The following CDC14B variants were observed in gnomAD, a reference collection of about 807,000 sequenced individuals.
CDC14B encodes the protein dual specificity protein phosphatase CDC14B.
Under a neutral mutation model 64.2 loss-of-function variants are expected in CDC14B, and 22 were observed. That is an observed-to-expected ratio of 0.34 (90% CI 0.24 to 0.49). The LOEUF is 0.49. CDC14B is among the 20% of genes least tolerant of loss of function. CDC14B has a pLI of 0.99. For synonymous variants in CDC14B, 191 were observed against 215.8 expected (o/e 0.89, Z 1.01); for missense variants, 498 against 629.9 (o/e 0.79, Z 2.24).
chr9:96,551,573 G>A (rs748129455), intron 5 of CDC14B, among the ~76,000 whole-genome samples: 1 of 152,134 alleles, frequency 6.6e-6, no homozygotes, highest in African/African-American at 2.4e-5. Context: ...CCAGCATCTA[G>A]TGGGCAGAAG....
intron 1 of CDC14B, among the ~76,000 whole-genome samples, chr9:96,597,845 TAAC>T (rs1425225429): frequency 9.2e-5 from 14 of 152,184 alleles, no homozygotes; most frequent in Admixed American, 4.6e-4. Flanking sequence ...TTGACAAAAT[TAAC>T]AAAAGTAACA....
At chr9:96,584,084 G>A (rs1845330711) in intron 1 of CDC14B, among the ~76,000 whole-genome samples, 1 of 152,214 alleles carries the variant, frequency 6.6e-6, no homozygotes, top group Non-Finnish European at 1.5e-5. Flanking sequence ...TGTGCTTCAA[G>A]TAAGCTTTTC....
In CDC14B at chr9:96,534,470, C is replaced by T; in HGVS notation, c.700G>A (p.Ala234Thr). Reference protein sequence around the residue: ...FIAFCGPHSRARLESGYHQHS... With the variant: ...FIAFCGPHSRTRLESGYHQHS... Reference sequence around the variant, plus strand: ...TTTCACATACCACTTTCAAGTCTGGCTCTTGAATGAGGTCCACAGAAGGCA... The same window carrying T: ...TTTCACATACCACTTTCAAGTCTGGTTCTTGAATGAGGTCCACAGAAGGCA... The change falls in exon 8 of 14, where the codon GCC becomes ACC. Residue 234 changes from alanine (A) to threonine (T), a missense_variant. Transcript: ENST00000375241. 6.2e-7 allele frequency: 1 copy of T among 1,606,178 alleles called. No homozygotes were observed. Among genetic ancestry groups the T allele is most frequent in the Admixed American group, 1.7e-5 (1 of 59,950 alleles).
chr9:96,617,315 T>G (rs140276200), intron 1 of CDC14B, among the ~76,000 whole-genome samples: 2 of 151,972 alleles, frequency 1.3e-5, no homozygotes, highest in East Asian at 3.9e-4. Flanking sequence ...ACATATTTCA[T>G]CTCCATCAAG....
chr9:96,547,035 C>T (rs1033149447), intron 5 of CDC14B, among the ~76,000 whole-genome samples: 2 of 151,914 alleles, frequency 1.3e-5, no homozygotes, highest in Non-Finnish European at 2.9e-5. Context: ...GCACTCCAGC[C>T]TGGGCGACAG....
intron 1 of CDC14B, among the ~76,000 whole-genome samples, chr9:96,568,777 C>T (rs1307727969): frequency 2.6e-5 from 4 of 151,994 alleles, no homozygotes; most frequent in East Asian, 1.9e-4. Flanking sequence ...GTTAGCCAGT[C>T]GTGGTGGTGC....
Position 96,541,810 on chromosome 9 carries a change from C to T in CDC14B, c.564+16G>A. On this transcript the variant is annotated intron_variant, in intron 6 of 13. Transcript: ENST00000375241. ...TTCCTCAACACAACACTGGGTGCATCCTACATGTCACTCACCTTCTTTACT... is the reference window on the plus strand; with the variant it reads ...TTCCTCAACACAACACTGGGTGCATTCTACATGTCACTCACCTTCTTTACT... 4 of 1,581,900 alleles carry T rather than the reference C, an allele frequency of 2.5e-6. No individual in the cohort carries two copies. Among genetic ancestry groups the T allele is most frequent in the Non-Finnish European group, 3.5e-6 (4 of 1,157,342 alleles).
At chr9:96,617,108 A>AT (rs11336438) in intron 1 of CDC14B, among the ~76,000 whole-genome samples, 161 of 147,594 alleles carry the variant, frequency 1.1e-3, no homozygotes, top group Admixed American at 1.5e-3. Flanking sequence ...ATCTGATAGG[A>AT]TTTTTTTTTT....
At chr9:96,544,090 A>C (rs1238615270) in intron 5 of CDC14B, among the ~76,000 whole-genome samples, 13 of 151,948 alleles carry the variant, frequency 8.6e-5, no homozygotes, top group Admixed American at 8.5e-4. Flanking sequence ...GGTGGCGCGC[A>C]CCTGTAGTCC....
chr9:96,506,913 C>T (rs1016175557), intron 13 of CDC14B, among the ~76,000 whole-genome samples: 3 of 152,218 alleles, frequency 2.0e-5, no homozygotes, highest in African/African-American at 4.8e-5. Flanking sequence ...GCCAGGCTCC[C>T]GGACTCTACT....
chr9:96,583,067 A>G (rs1845251955), intron 1 of CDC14B, among the ~76,000 whole-genome samples: 1 of 152,206 alleles, frequency 6.6e-6, no homozygotes, highest in Non-Finnish European at 1.5e-5. Context: ...GAAATAATAC[A>G]GTAGCTCTTC....
chr9:96,493,234 C>T (rs1833131044), exon 14 of CDC14B: 1 of 152,344 alleles, frequency 6.6e-6, no homozygotes, highest in Admixed American at 6.5e-5. Context: ...TGCCTGCTCT[C>T]TCCACATGGC....
chr9:96,588,652 A>G (rs1845599037), intron 1 of CDC14B, among the ~76,000 whole-genome samples: 1 of 151,970 alleles, frequency 6.6e-6, no homozygotes, highest in Non-Finnish European at 1.5e-5. Context: ...ATACCTGGCT[A>G]AGTTTTGTAT....
chr9:96,492,720 G>A (rs1199460598), exon 14 of CDC14B: 1 of 152,294 alleles, frequency 6.6e-6, no homozygotes, highest in Admixed American at 6.5e-5. Context: ...CTCCAGCCTG[G>A]ACAACAAGAG....
intron 6 of CDC14B, among the ~76,000 whole-genome samples, chr9:96,539,387 C>T (rs1049193887): frequency 2.0e-5 from 3 of 152,044 alleles, no homozygotes; most frequent in Non-Finnish European, 4.4e-5. Flanking sequence ...GTGAGATGTG[C>T]TTTTTTATTT....
chr9:96,534,329 T>C (rs1838964731), intron 8 of CDC14B, 126 bp downstream of exon 8: 2 of 795,192 alleles, frequency 2.5e-6, no homozygotes, highest in Admixed American at 5.2e-5. Flanking sequence ...AATGATCTAC[T>C]GAAGTGACCA....
In CDC14B at chr9:96,501,734, T is replaced by C. The variant is rs1004754015; in HGVS notation, c.*2019A>G. 1 of 152,330 alleles carries C rather than the reference T, an allele frequency of 6.6e-6. No homozygotes were observed. Among genetic ancestry groups the C allele is most frequent in the African/African-American group, 2.4e-5 (1 of 41,440 alleles). The allele number at this position is 152,330 out of a possible 1,614,324, so 9.4% of individuals were successfully genotyped here. A position where few individuals can be genotyped will look rare whatever the true frequency, so the allele number is the denominator to read the frequency against. On this transcript the variant is annotated 3_prime_UTR_variant, in exon 14 of 14. Transcript: ENST00000375241. ...GCAGGCAACATGAAGAGGCAGTTTA[T>C]AAAATGAAAAAGGGCTGTGGTTCCA... is the stretch of plus-strand genomic sequence containing the variant.
intron 7 of CDC14B, among the ~76,000 whole-genome samples, chr9:96,536,698 C>T (rs1230657091): frequency 6.6e-6 from 1 of 152,078 alleles, no homozygotes; most frequent in Non-Finnish European, 1.5e-5. Context: ...AAAAAGAATT[C>T]TCTGAGGATT....
chr9:96,616,734 A>C (rs1053594126), intron 1 of CDC14B, among the ~76,000 whole-genome samples: 1 of 152,168 alleles, frequency 6.6e-6, no homozygotes, highest in African/African-American at 2.4e-5. Flanking sequence ...AAAAAAAAAA[A>C]AAAACTCATT....
Sources: allele counts gnomAD v4.1 joint callset (sites outside exome capture counted in the v4.1 genomes callset), GRCh38; gene constraint gnomAD v4.1.1; transcripts MANE v1.5; gene names NCBI Gene and HGNC (gene_info 2026-07-23, HGNC 2026-07-21).